FER1L6: variants seen among roughly 807,000 people sequenced by gnomAD.
The protein encoded by FER1L6 is fer-1 like family member 6.
A neutral mutation model predicts 219.2 loss-of-function variants in FER1L6; 177 were observed. The ratio of observed to expected loss-of-function variants is 0.81; its 90% CI spans 0.71 to 0.91. FER1L6 has a LOEUF of 0.91. Ranked by LOEUF, FER1L6 falls within the 40% of genes least tolerant of loss-of-function variation. The pLI is 0.00. For synonymous variants in FER1L6, 768 were observed against 824.3 expected (o/e 0.93, Z 1.17); for missense variants, 2,153 against 2,259.9 (o/e 0.95, Z 0.96).
At chr8:124,094,814 G>A in intron 34 of FER1L6, 82 bp from the exon 35 acceptor site, 22 of 1,440,350 alleles carry the variant, frequency 1.5e-5, no homozygotes, top group Non-Finnish European at 2.1e-5. Context: ...AAGCCTGTAA[G>A]TGTTTAAAAA....
intron 1 of FER1L6, among the ~76,000 whole-genome samples, chr8:123,936,476 T>TTG (rs772374065): frequency 0.046 from 5,908 of 127,268 alleles, 263 homozygotes; most frequent in African/African-American, 0.12. Flanking sequence ...TTTTTTTTTT[T>TTG]TTTTTTTTTT....
Position 124,118,867 on chromosome 8 carries a change from C to T in FER1L6, c.5313C>T (p.His1771=). The stretch of plus-strand genomic sequence containing the variant: ...AGGGCAAGGTTGAAGCTGAGTTCCA[C>T]CTAGTTACAGCAGAAGAAGCTGAGA... The part of the protein sequence containing the change: ...ELTGKVEAEF[H]LVTAEEAEKN... The change falls in exon 40 of 41, where the codon CAC becomes CAT. Residue 1771 remains histidine, a synonymous_variant. Coordinates refer to ENST00000522917, the MANE Select transcript of FER1L6 (RefSeq NM_001039112.2). 6.2e-7 allele frequency: 1 copy of T among 1,614,010 alleles called. No homozygotes were observed. The highest frequency in any genetic ancestry group is 2.2e-5 in the East Asian group (1 of 44,870).
chr8:123,943,822 G>T (rs1270720099), intron 1 of FER1L6, among the ~76,000 whole-genome samples: 1 of 152,060 alleles, frequency 6.6e-6, no homozygotes, highest in Non-Finnish European at 1.5e-5. Context: ...TGCAGACAGA[G>T]GGCAAAGGGG....
At chr8:124,027,484 G>A (rs1242613489) in intron 18 of FER1L6, among the ~76,000 whole-genome samples, 1 of 152,150 alleles carries the variant, frequency 6.6e-6, no homozygotes, top group Non-Finnish European at 1.5e-5. Context: ...ATTCCCAGAG[G>A]ACATTGCTGT....
chr8:123,917,382 T>C (rs1813220953), intron 1 of FER1L6, among the ~76,000 whole-genome samples: 1 of 152,242 alleles, frequency 6.6e-6, no homozygotes, highest in Non-Finnish European at 1.5e-5. Flanking sequence ...ACATCAATAA[T>C]ATCCACTCAA....
chr8:124,070,887 G>A (rs1422304239), intron 30 of FER1L6, among the ~76,000 whole-genome samples: 1 of 152,184 alleles, frequency 6.6e-6, no homozygotes, highest in East Asian at 1.9e-4. Flanking sequence ...CATACCAAAT[G>A]TGTGATTTAT....
At chr8:124,090,013 T>C (rs978057705) in intron 33 of FER1L6, among the ~76,000 whole-genome samples, 1 of 152,218 alleles carries the variant, frequency 6.6e-6, no homozygotes, top group Non-Finnish European at 1.5e-5. Flanking sequence ...GCTATGAATA[T>C]TCTCATACAA....
intron 1 of FER1L6, among the ~76,000 whole-genome samples, chr8:123,856,944 G>A (rs1399235476): frequency 6.6e-6 from 1 of 152,110 alleles, no homozygotes; most frequent in Admixed American, 6.5e-5. Flanking sequence ...TAACTGCTCA[G>A]ATGAGATGCC....
At position 123,880,906 on chromosome 8, in the gene FER1L6, G is replaced by C. The variant is rs1334127462; in HGVS notation, c.-8+28721G>C. The stretch of plus-strand genomic sequence containing the variant: ...TGCCTAACACACATATCAGGATCCA[G>C]TTGGGGGCTAGAACCTCCCCTGGCC... On this transcript the variant is annotated intron_variant, in intron 1 of 40. Coordinates refer to ENST00000522917, the MANE Select transcript of FER1L6 (RefSeq NM_001039112.2). 2.0e-5 allele frequency among the ~76,000 whole-genome samples: 3 copies of C among 152,178 alleles called. No individual in the cohort carries two copies. The East Asian group carries it at 5.8e-4, about 29-fold the overall frequency.
At chr8:123,901,327 A>G (rs1477628567) in intron 1 of FER1L6, among the ~76,000 whole-genome samples, 1 of 152,052 alleles carries the variant, frequency 6.6e-6, no homozygotes, top group Non-Finnish European at 1.5e-5. Flanking sequence ...GATCTTTTGT[A>G]TTTCAGTGAT....
intron 18 of FER1L6, among the ~76,000 whole-genome samples, chr8:124,030,780 C>T (rs537497915): frequency 3.9e-4 from 59 of 152,112 alleles, no homozygotes; most frequent in Admixed American, 8.5e-4. Flanking sequence ...AAACCTCTAC[C>T]ACATAAACAA....
At chr8:123,937,438 C>A (rs1023085012) in intron 1 of FER1L6, among the ~76,000 whole-genome samples, 1 of 152,150 alleles carries the variant, frequency 6.6e-6, no homozygotes, top group Non-Finnish European at 1.5e-5. Flanking sequence ...GGTGAGGTCA[C>A]ATAGTACGAG....
chr8:124,055,251 C>T (rs951075195), intron 22 of FER1L6, among the ~76,000 whole-genome samples: 9 of 152,022 alleles, frequency 5.9e-5, no homozygotes, highest in African/African-American at 2.2e-4. Flanking sequence ...CCAGCCTAGG[C>T]GATATGGCGA....
chr8:123,949,453 G>A (rs1436400009), intron 1 of FER1L6, among the ~76,000 whole-genome samples: 5 of 152,196 alleles, frequency 3.3e-5, no homozygotes, highest in African/African-American at 1.2e-4. Flanking sequence ...ATGGGTCAGT[G>A]TATTGGTGTT....
At chr8:123,952,087 C>G (rs1479442611) in intron 1 of FER1L6, among the ~76,000 whole-genome samples, 2 of 152,144 alleles carry the variant, frequency 1.3e-5, no homozygotes, top group Non-Finnish European at 2.9e-5. Flanking sequence ...ACATTAGCTA[C>G]GTGTACAGCT....
chr8:123,937,003 T>G (rs1439383205), intron 1 of FER1L6, among the ~76,000 whole-genome samples: 1 of 152,182 alleles, frequency 6.6e-6, no homozygotes, highest in East Asian at 1.9e-4. Flanking sequence ...CCTCCTGGGT[T>G]CAAGTGATTC....
At chr8:124,084,791 G>A (rs1478445680) in intron 33 of FER1L6, among the ~76,000 whole-genome samples, 1 of 152,082 alleles carries the variant, frequency 6.6e-6, no homozygotes, top group African/African-American at 2.4e-5. Flanking sequence ...CTTGTAAAAT[G>A]ACTTTGGAAG....
chr8:123,868,218 A>T (rs1816870090), intron 1 of FER1L6, among the ~76,000 whole-genome samples: 1 of 152,202 alleles, frequency 6.6e-6, no homozygotes, highest in Admixed American at 6.5e-5. Flanking sequence ...CGAGTAGGCT[A>T]CTTAGATTAA....
At chr8:123,938,921 C>T (rs1814113328) in intron 1 of FER1L6, among the ~76,000 whole-genome samples, 2 of 152,266 alleles carry the variant, frequency 1.3e-5, no homozygotes, top group South Asian at 4.1e-4. Flanking sequence ...ACAAACAAAG[C>T]TTTAATATAA....
Sources: gnomAD v4.1 joint callset for allele counts (sites outside exome capture counted in the v4.1 genomes callset) on GRCh38, gnomAD v4.1.1 for gene constraint, MANE v1.5 for transcripts, NCBI Gene and HGNC (gene_info 2026-07-23, HGNC 2026-07-21) for gene names.